SDCCAG8: variants seen among roughly 807,000 people sequenced by gnomAD.
SDCCAG8 encodes the protein serologically defined colon cancer antigen 8.
A neutral mutation model predicts 101.8 loss-of-function variants in SDCCAG8; 74 were observed. The observed-to-expected ratio is 0.73, with a 90% CI of 0.60 to 0.88. The LOEUF (loss-of-function observed/expected upper bound fraction) is 0.88, where lower values mean the gene tolerates loss of function less well. SDCCAG8 is among the 40% of genes least tolerant of loss of function. The pLI is 0.00. For synonymous variants in SDCCAG8, 281 were observed against 292.9 expected, an observed-to-expected ratio of 0.96 and a Z score of 0.41; for missense variants, 787 against 822.6, an observed-to-expected ratio of 0.96 and a Z score of 0.53.
At chr1:243,306,493 AT>A (rs1347151947) in intron 7 of SDCCAG8, 1 of 152,122 alleles carries the variant, frequency 6.6e-6, no homozygotes. Context: ...TTTTACTATA[AT>A]TTAAGATTAT....
At chr1:243,405,228 C>T (rs1195154252) in intron 13 of SDCCAG8, among the ~76,000 whole-genome samples, 1 of 152,138 alleles carries the variant, frequency 6.6e-6, no homozygotes, top group Non-Finnish European at 1.5e-5. Context: ...TTAAAACGTA[C>T]TTTTAAGAAG....
chr1:243,301,743 T>G (rs1558259961), intron 6 of SDCCAG8, among the ~76,000 whole-genome samples: 1 of 151,964 alleles, frequency 6.6e-6, no homozygotes, highest in Non-Finnish European at 1.5e-5. Context: ...ACCTGTAGAC[T>G]CTAATATAAT....
In SDCCAG8 at chr1:243,291,624, G is replaced by A. The variant is rs1026185272; in HGVS notation, c.547-1467G>A. 4.6e-5 allele frequency among the ~76,000 whole-genome samples: 7 copies of A among 152,154 alleles called. No homozygotes were observed. In the East Asian group the frequency reaches 5.8e-4, roughly 13 times the overall value. On this transcript the variant is annotated intron_variant, in intron 5 of 17. Coordinates refer to ENST00000366541, the MANE Select transcript of SDCCAG8 (RefSeq NM_006642.5). ...TATTTTTCTGGAAAGGCAGAAGATC[G>A]TAATAATAAAGGACTTTAAAGGAAA...
chr1:243,306,667 C>T lies in SDCCAG8; in HGVS notation c.741-1322C>T, dbSNP rs1393838617. ...CCCTTTGACTTTGGAATGTGCTTCC[C>T]AAGTTCTTTTTATAAAGCCTTTGAA... is the stretch of plus-strand genomic sequence containing the variant. On this transcript the variant is annotated intron_variant, in intron 7 of 17. Coordinates refer to ENST00000366541, the MANE Select transcript of SDCCAG8 (RefSeq NM_006642.5). The T allele has an allele frequency of 2.0e-5, 3 of 152,042 alleles. No individual in the cohort carries two copies. The East Asian group carries it at 5.8e-4, about 29-fold the overall frequency. 9.4% of individuals were successfully genotyped at this position (152,042 alleles called of 1,614,324 possible).
intron 1 of SDCCAG8, among the ~76,000 whole-genome samples, chr1:243,256,940 A>G (rs2066768928): frequency 6.6e-6 from 1 of 152,256 alleles, no homozygotes; most frequent in East Asian, 1.9e-4. Flanking sequence ...ATGAGCAAGT[A>G]TCTGTACAAA....
At chr1:243,379,596 A>C (rs984738523) in intron 13 of SDCCAG8, among the ~76,000 whole-genome samples, 2 of 152,190 alleles carry the variant, frequency 1.3e-5, no homozygotes, top group Non-Finnish European at 1.5e-5. Flanking sequence ...AGAAAAATTC[A>C]AAAGAGAAAG....
intron 16 of SDCCAG8, among the ~76,000 whole-genome samples, chr1:243,470,560 C>T (rs1661050006): frequency 6.6e-6 from 1 of 151,562 alleles, no homozygotes; most frequent in African/African-American, 2.4e-5. Context: ...ACTCACAGGC[C>T]AGGGGAGCCA....
At position 243,312,123 on chromosome 1, in the gene SDCCAG8, C is replaced by T. The variant is rs545974220; in HGVS notation, c.929+3946C>T. 1.6e-4 allele frequency among the ~76,000 whole-genome samples: 25 copies of T among 152,260 alleles called. No individual in the cohort carries two copies. The East Asian group carries it at 4.2e-3, about 26-fold the overall frequency. On this transcript the variant is annotated intron_variant, in intron 8 of 17. Coordinates refer to ENST00000366541, the MANE Select transcript of SDCCAG8 (RefSeq NM_006642.5). ...TTCTTCTTCTGTATCATTCTCTTGGCCTAACTTAACTAATGCAGAGTGCTG... is the reference window on the plus strand; with the variant it reads ...TTCTTCTTCTGTATCATTCTCTTGGTCTAACTTAACTAATGCAGAGTGCTG...
chr1:243,282,758 G>A (rs920796385), intron 4 of SDCCAG8, among the ~76,000 whole-genome samples: 1 of 152,084 alleles, frequency 6.6e-6, no homozygotes, highest in Non-Finnish European at 1.5e-5. Context: ...TGTTTGCACG[G>A]CTTCTGCAAA....
intron 8 of SDCCAG8, among the ~76,000 whole-genome samples, chr1:243,312,721 A>AG (rs1553305823): frequency 1.3e-5 from 2 of 151,820 alleles, no homozygotes; most frequent in Non-Finnish European, 2.9e-5. Flanking sequence ...AAAAAAAAAA[A>AG]AAAATAATGG....
chr1:243,493,995 G>A (rs1667204884), intron 17 of SDCCAG8, among the ~76,000 whole-genome samples: 1 of 152,116 alleles, frequency 6.6e-6, no homozygotes, highest in Non-Finnish European at 1.5e-5. Flanking sequence ...GTTAGGCCTT[G>A]GAGGTGTCAC....
chr1:243,267,040 C>T (rs1328571311), intron 1 of SDCCAG8, among the ~76,000 whole-genome samples: 1 of 151,296 alleles, frequency 6.6e-6, no homozygotes, highest in Non-Finnish European at 1.5e-5. Flanking sequence ...GTCAGGAGAT[C>T]GAGACCATCC....
rs527568388 is a variant in SDCCAG8 at position 243,384,459 on chromosome 1, T to A, written c.1616+5596T>A. Among the ~76,000 whole-genome samples the A allele has an allele frequency of 7.6e-4, 116 of 152,352 alleles. 1 individual carries two copies. The South Asian group carries it at 0.012, about 15-fold the overall frequency. ...TATGATTTTGTAATAATCACTTTTT[T>A]AAATTTTTAACTTTGTGTAAATATA... On this transcript the variant is annotated intron_variant, in intron 13 of 17. Transcript: ENST00000366541.
chr1:243,316,922 GTCTT>G (rs1363667457), intron 9 of SDCCAG8, 29 bp downstream of exon 9: 11 of 1,605,624 alleles, frequency 6.9e-6, no homozygotes, highest in South Asian at 2.2e-5. Flanking sequence ...AAATAAAAGT[GTCTT>G]TCTTTTTTTT....
intron 13 of SDCCAG8, among the ~76,000 whole-genome samples, chr1:243,400,309 T>C (rs1315090229): frequency 6.6e-6 from 1 of 152,206 alleles, no homozygotes; most frequent in Non-Finnish European, 1.5e-5. Flanking sequence ...ATCACGTTTT[T>C]AGGAATACAC....
At chr1:243,300,105 C>T (rs889174392) in intron 6 of SDCCAG8, among the ~76,000 whole-genome samples, 12 of 152,000 alleles carry the variant, frequency 7.9e-5, no homozygotes, top group Admixed American at 3.9e-4. Flanking sequence ...CCTCGTGATC[C>T]GCCCGCCTTG....
intron 12 of SDCCAG8, among the ~76,000 whole-genome samples, chr1:243,360,363 A>G (rs2076631776): frequency 2.6e-5 from 4 of 151,766 alleles, no homozygotes; most frequent in Admixed American, 2.6e-4. Flanking sequence ...CGTGTTAGCC[A>G]GGATAGTCTC....
At chr1:243,317,088 T>G (rs1043885705) in intron 9 of SDCCAG8, among the ~76,000 whole-genome samples, 195 bp downstream of exon 9, 1 of 152,190 alleles carries the variant, frequency 6.6e-6, no homozygotes, top group Non-Finnish European at 1.5e-5. Context: ...CTGCAAATAC[T>G]GTTGTTGTAT....
At chr1:243,374,356 A>G (rs1196824267) in intron 12 of SDCCAG8, among the ~76,000 whole-genome samples, 1 of 152,154 alleles carries the variant, frequency 6.6e-6, no homozygotes, top group Non-Finnish European at 1.5e-5. Flanking sequence ...AAAACTGCGC[A>G]CAAGGAATGA....
Sources: gnomAD v4.1 joint callset for allele counts (sites outside exome capture counted in the v4.1 genomes callset) on GRCh38, gnomAD v4.1.1 for gene constraint, MANE v1.5 for transcripts, NCBI Gene and HGNC (gene_info 2026-07-23, HGNC 2026-07-21) for gene names.